The following EXTL3 variants were observed in gnomAD, a reference collection of about 807,000 sequenced individuals.
The protein encoded by EXTL3 is exostosin-like 3.
In EXTL3, 27 loss-of-function variants were observed where a neutral mutation model predicts 69.3. That is an observed-to-expected ratio of 0.39 (90% CI 0.29 to 0.54). The LOEUF (loss-of-function observed/expected upper bound fraction) is 0.54. EXTL3 is among the 20% of genes least tolerant of loss of function. The probability of loss-of-function intolerance (pLI) is 0.69; values close to 1 mark genes in which losing one functional copy is unlikely to be tolerated. For synonymous variants in EXTL3, 511 were observed against 499.4 expected, an observed-to-expected ratio of 1.02 and a Z score of -0.31; for missense variants, 1,003 against 1,231.8, an observed-to-expected ratio of 0.81 and a Z score of 2.78.
chr8:28,694,466 C>T (rs181852436), intron 1 of EXTL3, among the ~76,000 whole-genome samples: 7 of 152,328 alleles, frequency 4.6e-5, no homozygotes, highest in African/African-American at 1.4e-4. Context: ...CAATTCACAT[C>T]GCCATGGTCA....
rs1462997706 is a variant in EXTL3 at position 28,623,766 on chromosome 8, G to C, written c.-53+956G>C. 6.6e-6 allele frequency among the ~76,000 whole-genome samples: 1 copy of C among 152,040 alleles called. No homozygotes were observed. The highest frequency in any genetic ancestry group is 1.5e-5 in the Non-Finnish European group (1 of 68,022). ...TGATTTTACTTGTGAACTCCTTTAG[G>C]CATTTAGTAATAAAGGTTATAATTA... On this transcript the variant is annotated intron_variant, in intron 1 of 6. Transcript: ENST00000523149. The surrounding 1 kb of genome is among the most constrained non-coding windows in gnomAD (Gnocchi z 4.2).
intron 1 of EXTL3, among the ~76,000 whole-genome samples, chr8:28,702,717 T>C (rs1256968700): frequency 6.6e-6 from 1 of 152,148 alleles, no homozygotes; most frequent in East Asian, 1.9e-4. Flanking sequence ...TTCCCCCATA[T>C]GTGATTTACT....
rs1371857826 is a variant in EXTL3, at chr8:28,659,970, A to G, written c.-53+37160A>G. The stretch of plus-strand genomic sequence containing the variant: ...TTTGTAAAATTGCATGCCCCCTCGC[A>G]TGTTGACAATCTACATGCAACATTT... On this transcript the variant is annotated intron_variant, in intron 1 of 6. Transcript: ENST00000523149. Among the ~76,000 whole-genome samples the G allele has an allele frequency of 3.3e-5, 5 of 152,208 alleles. No individual in the cohort carries two copies. The East Asian group carries it at 7.7e-4, about 23-fold the overall frequency.
At chr8:28,647,515 C>T (rs1166117180) in intron 1 of EXTL3, among the ~76,000 whole-genome samples, 2 of 152,152 alleles carry the variant, frequency 1.3e-5, no homozygotes, top group African/African-American at 4.8e-5. Flanking sequence ...GGTATGGCAG[C>T]TGAGCATCAG....
upstream of EXTL3, among the ~76,000 whole-genome samples, chr8:28,620,629 GA>G: frequency 6.6e-6 from 1 of 152,310 alleles, no homozygotes; most frequent in South Asian, 2.1e-4. Context: ...AGTTAAACTG[GA>G]AAGGCCAGAA....
chr8:28,698,886 C>A (rs1230787739), upstream of EXTL3, among the ~76,000 whole-genome samples: 1 of 152,048 alleles, frequency 6.6e-6, no homozygotes, highest in Non-Finnish European at 1.5e-5. Flanking sequence ...CCCAGTTACT[C>A]GGGAGGGTGG....
intron 2 of EXTL3, among the ~76,000 whole-genome samples, chr8:28,714,774 G>A (rs578004786): frequency 1.3e-5 from 2 of 152,356 alleles, no homozygotes; most frequent in African/African-American, 4.8e-5. Context: ...GAGGGACTGA[G>A]TCGCTACAAG....
intron 1 of EXTL3, among the ~76,000 whole-genome samples, chr8:28,702,643 A>C (rs994336661): frequency 6.7e-6 from 1 of 149,470 alleles, no homozygotes; most frequent in Non-Finnish European, 1.5e-5. Flanking sequence ...AGCTTCATCA[A>C]GTCCTCTTGG....
Position 28,660,317 on chromosome 8 carries a change from T to C in EXTL3, c.-53+37507T>C, listed in dbSNP as rs187060215. The stretch of plus-strand genomic sequence containing the variant: ...AGGTTGAGGCTGCAGTGAGCTGTGA[T>C]TGCACTGCGGCACTCCAGCCCGGGC... On this transcript the variant is annotated intron_variant, in intron 1 of 6. Transcript: ENST00000523149. Among the ~76,000 whole-genome samples the C allele has an allele frequency of 3.0e-3, 455 of 152,172 alleles. 3 individuals are homozygous for C. The highest frequency in any genetic ancestry group is 0.01 in the African/African-American group (428 of 41,530).
At chr8:28,744,780 G>A (rs1210171183) in intron 6 of EXTL3, among the ~76,000 whole-genome samples, 6 of 143,872 alleles carry the variant, frequency 4.2e-5, no homozygotes, top group African/African-American at 7.6e-5. Context: ...GTGACAGAGC[G>A]AGACTCCATC....
chr8:28,628,555 C>T lies in EXTL3; in HGVS notation c.-53+5745C>T, dbSNP rs1009178127. On this transcript the variant is annotated intron_variant, in intron 1 of 6. Coordinates refer to the EXTL3 transcript ENST00000523149. ...TTCAATAAAAACTGGTGAAAATGGCCAATTTTATGTTCAATCTATTTTACC... is the reference window on the plus strand; with the variant it reads ...TTCAATAAAAACTGGTGAAAATGGCTAATTTTATGTTCAATCTATTTTACC... Among the ~76,000 whole-genome samples, 27 of 152,134 alleles carry T rather than the reference C, an allele frequency of 1.8e-4. 1 individual carries two copies. Among genetic ancestry groups the T allele is most frequent in the Admixed American group, 7.2e-4 (11 of 15,258 alleles).
intron 1 of EXTL3, among the ~76,000 whole-genome samples, chr8:28,689,294 T>C (rs1475558026): frequency 6.6e-6 from 1 of 152,148 alleles, no homozygotes; most frequent in African/African-American, 2.4e-5. Context: ...ACAATAGATA[T>C]CTCTATTTTA....
chr8:28,655,043 T>C (rs886147226), intron 1 of EXTL3, among the ~76,000 whole-genome samples: 1 of 152,240 alleles, frequency 6.6e-6, no homozygotes, highest in Non-Finnish European at 1.5e-5. Flanking sequence ...TGTTTGTTTA[T>C]TGACTTTTGT....
chr8:28,749,960 C>G (rs1355286830), intron 6 of EXTL3, among the ~76,000 whole-genome samples: 4 of 152,204 alleles, frequency 2.6e-5, no homozygotes, highest in African/African-American at 9.7e-5. Flanking sequence ...TCCCAAAGTG[C>G]TGGAATTAAT....
At chr8:28,742,181 A>G (rs2130791514) in intron 5 of EXTL3, 1 of 152,376 alleles carries the variant, frequency 6.6e-6, no homozygotes, top group African/African-American at 2.4e-5. Flanking sequence ...ATAGTAAAAT[A>G]TTAACTAGGA....
chr8:28,692,479 C>T (rs1271200559), intron 1 of EXTL3, among the ~76,000 whole-genome samples: 8 of 152,164 alleles, frequency 5.3e-5, no homozygotes, highest in Non-Finnish European at 1.2e-4. Context: ...TATTGCAGAT[C>T]TTCATAAATT....
intron 3 of EXTL3, among the ~76,000 whole-genome samples, chr8:28,727,777 C>T (rs950886984): frequency 6.6e-6 from 1 of 152,172 alleles, no homozygotes; most frequent in African/African-American, 2.4e-5. Context: ...TTAATGTGCA[C>T]AGGAATCCCC....
At chr8:28,672,990 G>T (rs1807322098) in intron 1 of EXTL3, among the ~76,000 whole-genome samples, 1 of 152,162 alleles carries the variant, frequency 6.6e-6, no homozygotes, top group African/African-American at 2.4e-5. Flanking sequence ...ATTTGCTCTT[G>T]CCTGTGGCCA....
intron 4 of EXTL3, among the ~76,000 whole-genome samples, chr8:28,732,502 CT>C (rs1379303658): frequency 6.6e-6 from 1 of 152,112 alleles, no homozygotes; most frequent in Non-Finnish European, 1.5e-5. Context: ...TTTTAGAAAT[CT>C]TCATCACCAC....
Sources: gnomAD v4.1 joint callset for allele counts (sites outside exome capture counted in the v4.1 genomes callset) on GRCh38, gnomAD v4.1.1 for gene constraint, Gnocchi (gnomAD v3.1) non-coding constraint, MANE v1.5 for transcripts, NCBI Gene and HGNC (gene_info 2026-07-23, HGNC 2026-07-21) for gene names.